PTPRD: variants seen among roughly 807,000 people sequenced by gnomAD.
The protein encoded by PTPRD is receptor-type tyrosine-protein phosphatase delta.
In PTPRD, 34 loss-of-function variants were observed where a neutral mutation model predicts 214.5. The observed-to-expected ratio is 0.16, with a 90% CI of 0.12 to 0.21. The LOEUF (loss-of-function observed/expected upper bound fraction) is 0.21, where lower values mean the gene tolerates loss of function less well. Among genes scored for constraint, PTPRD ranks in the 10% least tolerant of loss-of-function variants. The pLI is 1.00. For synonymous variants in PTPRD, 1,128 were observed against 845.7 expected, an observed-to-expected ratio of 1.33 and a Z score of -5.79; for missense variants, 2,545 against 2,398.7, an observed-to-expected ratio of 1.06 and a Z score of -1.27.
chr9:8,764,731 G>T (rs1403502213), intron 11 of PTPRD, among the ~76,000 whole-genome samples: 1 of 151,848 alleles, frequency 6.6e-6, no homozygotes, highest in Admixed American at 6.6e-5. Context: ...GGAGCTGGAG[G>T]TTGCAGTGAG....
At chr9:9,194,299 G>A (rs192500456) in intron 9 of PTPRD, among the ~76,000 whole-genome samples, 2 of 152,176 alleles carry the variant, frequency 1.3e-5, no homozygotes, top group East Asian at 1.9e-4. Flanking sequence ...GTTTATAGGT[G>A]GAAAGAGTAC....
At position 9,369,521 on chromosome 9, in the gene PTPRD, G is replaced by C. The variant is rs558711736; in HGVS notation, c.-203+27928C>G. Reference sequence around the variant, plus strand: ...GATTCTGGATATTAGCCTTTTGTCAGATGGGTAGATTGCAAACATTTTCTC... The same window carrying C: ...GATTCTGGATATTAGCCTTTTGTCACATGGGTAGATTGCAAACATTTTCTC... On this transcript the variant is annotated intron_variant, in intron 9 of 45. Coordinates refer to ENST00000381196, the MANE Select transcript of PTPRD (RefSeq NM_002839.4). Among the ~76,000 whole-genome samples, 449 of 152,212 alleles carry C rather than the reference G, an allele frequency of 2.9e-3. 6 individuals carry two copies. The highest frequency in any genetic ancestry group is 0.01 in the African/African-American group (435 of 41,552).
At chr9:8,427,747 T>A (rs117607015) in intron 35 of PTPRD, among the ~76,000 whole-genome samples, 281 of 152,126 alleles carry the variant, frequency 1.8e-3, no homozygotes, top group Non-Finnish European at 3.4e-3. Flanking sequence ...GGATAGGAAA[T>A]GGTAGGGTTT....
intron 36 of PTPRD, among the ~76,000 whole-genome samples, chr9:8,394,181 A>G (rs200204851): frequency 9.7e-6 from 1 of 103,368 alleles, no homozygotes; most frequent in Non-Finnish European, 2.5e-5. Context: ...CACCAAGAAG[A>G]AAAAAAAAAG....
rs540167268 is a variant in PTPRD at position 9,792,683 on chromosome 9, G to C, written c.-367-25832C>G. On this transcript the variant is annotated intron_variant, in intron 5 of 45. Transcript: ENST00000381196. Reference sequence around the variant, plus strand: ...CTGTGCTATTTTCAGATGACTATATGAGAGTATAAATCATAATAGCTCATT... The same window carrying C: ...CTGTGCTATTTTCAGATGACTATATCAGAGTATAAATCATAATAGCTCATT... 3.3e-5 allele frequency among the ~76,000 whole-genome samples: 5 copies of C among 152,256 alleles called. No homozygotes were observed. The South Asian group carries it at 1.0e-3, about 32-fold the overall frequency.
At chr9:9,681,795 G>A (rs2097078604) in intron 7 of PTPRD, among the ~76,000 whole-genome samples, 3 of 151,736 alleles carry the variant, frequency 2.0e-5, no homozygotes, top group Non-Finnish European at 2.9e-5. Context: ...TGATTTCCTA[G>A]CTGGTTGTTG....
chr9:9,314,699 G>A (rs1056101843), intron 9 of PTPRD, among the ~76,000 whole-genome samples: 2 of 151,998 alleles, frequency 1.3e-5, no homozygotes, highest in African/African-American at 2.4e-5. Flanking sequence ...GAAATACAAC[G>A]TGTGAACAAT....
At chr9:9,972,241 G>A (rs6477431) in intron 4 of PTPRD, among the ~76,000 whole-genome samples, 36,299 of 151,922 alleles carry the variant, frequency 0.24, 5,780 homozygotes, top group African/African-American at 0.45. Context: ...ACATTAAATA[G>A]CAAACATACA....
At chr9:8,944,784 TG>T (rs2099053769) in intron 11 of PTPRD, among the ~76,000 whole-genome samples, 1 of 151,664 alleles carries the variant, frequency 6.6e-6, no homozygotes, top group Non-Finnish European at 1.5e-5. Flanking sequence ...GGATGATTAA[TG>T]GGTACAAAAA....
chr9:9,275,181 ATG>A (rs1944972690), intron 9 of PTPRD, among the ~76,000 whole-genome samples: 1 of 22,380 alleles, frequency 4.5e-5, no homozygotes, highest in Admixed American at 7.3e-4. Context: ...TATAATATAT[ATG>A]TTATATATAT....
chr9:9,725,681 A>G (rs1295973920), intron 7 of PTPRD, among the ~76,000 whole-genome samples: 1 of 152,226 alleles, frequency 6.6e-6, no homozygotes, highest in Non-Finnish European at 1.5e-5. Flanking sequence ...TGTTTGTAGA[A>G]AGAAACAAAT....
chr9:9,895,249 C>T (rs1477367911), intron 5 of PTPRD, among the ~76,000 whole-genome samples: 2 of 151,734 alleles, frequency 1.3e-5, no homozygotes, highest in Non-Finnish European at 2.9e-5. Context: ...TGTTTGTTAC[C>T]AGTAAGAGAA....
intron 11 of PTPRD, among the ~76,000 whole-genome samples, chr9:8,920,414 T>C (rs892169890): frequency 6.6e-6 from 1 of 152,058 alleles, no homozygotes; most frequent in Non-Finnish European, 1.5e-5. Context: ...ACATTGAAAA[T>C]ATCTATCTTG....
chr9:8,759,468 A>T (rs1335493651), intron 11 of PTPRD, among the ~76,000 whole-genome samples: 5 of 152,068 alleles, frequency 3.3e-5, no homozygotes, highest in Non-Finnish European at 7.4e-5. Context: ...TTATCAAGGT[A>T]TTGTCTGGTC....
At chr9:10,109,433 C>T (rs760015378) in intron 3 of PTPRD, among the ~76,000 whole-genome samples, 9 of 152,158 alleles carry the variant, frequency 5.9e-5, no homozygotes, top group Admixed American at 1.3e-4. Context: ...GCATGTACTA[C>T]ATAATTGCCA....
intron 34 of PTPRD, among the ~76,000 whole-genome samples, chr9:8,438,245 T>C (rs950870617): frequency 3.9e-5 from 6 of 152,184 alleles, no homozygotes; most frequent in African/African-American, 9.6e-5. Context: ...AAATTATTAA[T>C]GGTTCTGGTA....
chr9:9,946,920 T>C (rs190692757), intron 4 of PTPRD, among the ~76,000 whole-genome samples: 4 of 152,198 alleles, frequency 2.6e-5, no homozygotes, highest in Admixed American at 2.6e-4. Context: ...ACATTATCAT[T>C]TTTACAATGC....
At chr9:8,421,370 T>TTCTC (rs1554921173) in intron 35 of PTPRD, among the ~76,000 whole-genome samples, 22,046 of 146,668 alleles carry the variant, frequency 0.15, 1,838 homozygotes, top group Non-Finnish European at 0.19. Context: ...TTCTCTTCTC[T>TTCTC]TCTCTCTCTC....
At chr9:10,189,579 C>A (rs913756821) in intron 3 of PTPRD, among the ~76,000 whole-genome samples, 4 of 151,988 alleles carry the variant, frequency 2.6e-5, no homozygotes, top group Non-Finnish European at 5.9e-5. Flanking sequence ...AGTGTGCATG[C>A]GAGGAATTTG....
Sources: gnomAD v4.1 joint callset for allele counts (sites outside exome capture counted in the v4.1 genomes callset) on GRCh38, gnomAD v4.1.1 for gene constraint, MANE v1.5 for transcripts, NCBI Gene and HGNC (gene_info 2026-07-23, HGNC 2026-07-21) for gene names.